NKAIN2: variants seen among roughly 807,000 people sequenced by gnomAD.
NKAIN2 encodes sodium/potassium transporting ATPase interacting 2, also known as sodium/potassium-transporting ATPase subunit beta-1-interacting protein 2.
A neutral mutation model predicts 32.6 loss-of-function variants in NKAIN2; 14 were observed. The ratio of observed to expected loss-of-function variants is 0.43; its 90% confidence interval spans 0.28 to 0.67. The LOEUF (loss-of-function observed/expected upper bound fraction) is 0.67. Among genes scored for constraint, NKAIN2 ranks in the 30% least tolerant of loss-of-function variants. NKAIN2 has a pLI of 0.17. For missense variants in NKAIN2, 198 were observed against 258.3 expected, an observed-to-expected ratio of 0.77 and a Z score of 1.60; for synonymous variants, 80 against 87.2, an observed-to-expected ratio of 0.92 and a Z score of 0.46.
intron 1 of NKAIN2, among the ~76,000 whole-genome samples, chr6:124,043,928 C>T (rs1781994482): frequency 6.6e-6 from 1 of 151,952 alleles, no homozygotes; most frequent in South Asian, 2.1e-4. Context: ...TAAGACAAAC[C>T]ATAGTGTATT....
At chr6:123,952,664 T>G (rs1359064383) in intron 1 of NKAIN2, among the ~76,000 whole-genome samples, 2 of 152,138 alleles carry the variant, frequency 1.3e-5, no homozygotes, top group Non-Finnish European at 2.9e-5. Flanking sequence ...CTGCTTGATT[T>G]AGTCTATTGT....
intron 4 of NKAIN2, among the ~76,000 whole-genome samples, chr6:124,726,399 C>G (rs1012615324): frequency 2.6e-5 from 4 of 152,116 alleles, no homozygotes; most frequent in African/African-American, 7.2e-5. Flanking sequence ...GGTCCCTGAC[C>G]CATGACCCCT....
At position 124,721,197 on chromosome 6, in the gene NKAIN2, A is replaced by G. The variant is rs530883990; in HGVS notation, c.474+62811A>G. Among the ~76,000 whole-genome samples, 138 of 152,172 alleles carry G rather than the reference A, an allele frequency of 9.1e-4. 2 individuals carry two copies. Among genetic ancestry groups the G allele is most frequent in the African/African-American group, 3.2e-3 (131 of 41,548 alleles). On this transcript the variant is annotated intron_variant, in intron 4 of 6. Transcript: ENST00000368417. The stretch of plus-strand genomic sequence containing the variant: ...TTTGGGAGGCCGAGGCGGGAGGATC[A>G]CGAGGTCAGGAGATCGAGACCACGG...
chr6:124,799,114 A>G (rs1461598380), intron 5 of NKAIN2, among the ~76,000 whole-genome samples: 1 of 152,224 alleles, frequency 6.6e-6, no homozygotes, highest in Non-Finnish European at 1.5e-5. Context: ...AGTAAGAAAG[A>G]CATGCTGCCA....
chr6:123,907,215 A>G (rs1322049201), intron 1 of NKAIN2, among the ~76,000 whole-genome samples: 3 of 152,196 alleles, frequency 2.0e-5, no homozygotes. Flanking sequence ...AAAAACGCTA[A>G]TTATTTCTAT....
At chr6:124,677,586 A>G (rs1044383163) in intron 4 of NKAIN2, among the ~76,000 whole-genome samples, 17 of 152,170 alleles carry the variant, frequency 1.1e-4, no homozygotes, top group Non-Finnish European at 2.9e-5. Context: ...CACAACTTCA[A>G]TCAAATACAA....
intron 1 of NKAIN2, among the ~76,000 whole-genome samples, chr6:123,957,416 G>T (rs1449312172): frequency 6.6e-6 from 1 of 151,950 alleles, no homozygotes; most frequent in Non-Finnish European, 1.5e-5. Flanking sequence ...TACATTATAG[G>T]AATTAAATAA....
chr6:123,917,429 G>GT (rs943802491), intron 1 of NKAIN2, among the ~76,000 whole-genome samples: 3 of 152,134 alleles, frequency 2.0e-5, no homozygotes, highest in Admixed American at 6.6e-5. Flanking sequence ...CACAGAATGT[G>GT]TACGTTTAGG....
intron 4 of NKAIN2, among the ~76,000 whole-genome samples, chr6:124,707,779 C>T (rs1775179129): frequency 6.6e-6 from 1 of 151,852 alleles, no homozygotes; most frequent in South Asian, 2.1e-4. Context: ...AATTTTCTCC[C>T]ATTGTGTAGG....
At chr6:123,998,975 A>G (rs1183933606) in intron 1 of NKAIN2, among the ~76,000 whole-genome samples, 1 of 151,922 alleles carries the variant, frequency 6.6e-6, no homozygotes, top group Admixed American at 6.6e-5. Context: ...TTAATTTTAT[A>G]TTAATAAAAT....
chr6:124,226,038 A>G (rs920635495), intron 1 of NKAIN2, among the ~76,000 whole-genome samples: 2 of 152,038 alleles, frequency 1.3e-5, no homozygotes, highest in African/African-American at 4.8e-5. Context: ...AGCCCCACTA[A>G]AATCATTGAA....
Position 123,985,845 on chromosome 6 carries a change from A to T in NKAIN2, c.54+181591A>T, listed in dbSNP as rs1779113075. On this transcript the variant is annotated intron_variant, in intron 1 of 6. Transcript: ENST00000368417. ...AAACTAGAAAGAGAAGGAATACTTA[A>T]CCAGGGAAAAATGATTTAATGTAGA... 2.6e-5 allele frequency among the ~76,000 whole-genome samples: 4 copies of T among 152,126 alleles called. No individual in the cohort carries two copies. The South Asian group carries it at 8.3e-4, about 32-fold the overall frequency.
chr6:124,690,303 T>C (rs942468549), intron 4 of NKAIN2, among the ~76,000 whole-genome samples: 1 of 152,170 alleles, frequency 6.6e-6, no homozygotes, highest in African/African-American at 2.4e-5. Context: ...TCTTATATCC[T>C]GCAACCTTGC....
At chr6:124,768,732 GA>G (rs956425837) in intron 4 of NKAIN2, among the ~76,000 whole-genome samples, 17 of 147,946 alleles carry the variant, frequency 1.1e-4, no homozygotes, top group East Asian at 7.9e-4. Context: ...GTACCTGGGG[GA>G]AAAAAAAACA....
chr6:124,364,272 A>G (rs2114292738), intron 3 of NKAIN2, among the ~76,000 whole-genome samples: 1 of 151,506 alleles, frequency 6.6e-6, no homozygotes. Flanking sequence ...AATGTCAAAA[A>G]CATATGGGTT....
chr6:124,712,830 C>T (rs1775569183), intron 4 of NKAIN2, among the ~76,000 whole-genome samples: 1 of 151,998 alleles, frequency 6.6e-6, no homozygotes, highest in South Asian at 2.1e-4. Context: ...GCTCCTCCCC[C>T]TAAACTCTAG....
At chr6:124,053,519 T>C (rs745920197) in intron 1 of NKAIN2, among the ~76,000 whole-genome samples, 7 of 152,038 alleles carry the variant, frequency 4.6e-5, no homozygotes, top group Non-Finnish European at 1.0e-4. Flanking sequence ...GTTCCCAAAG[T>C]CCTTGTCAAA....
At chr6:124,416,500 G>A (rs572737630) in intron 3 of NKAIN2, among the ~76,000 whole-genome samples, 16 of 152,184 alleles carry the variant, frequency 1.1e-4, no homozygotes, top group East Asian at 3.9e-4. Context: ...TTAGCCAAGC[G>A]TGATGGCATG....
At chr6:124,749,093 G>C (rs1317917835) in intron 4 of NKAIN2, among the ~76,000 whole-genome samples, 3 of 151,878 alleles carry the variant, frequency 2.0e-5, no homozygotes, top group Admixed American at 6.6e-5. Flanking sequence ...TCAGTTCTTT[G>C]AGGTTGTGTC....
Sources: gnomAD v4.1 joint callset for allele counts (sites outside exome capture counted in the v4.1 genomes callset) on GRCh38, gnomAD v4.1.1 for gene constraint, MANE v1.5 for transcripts, NCBI Gene and HGNC (gene_info 2026-07-23, HGNC 2026-07-21) for gene names.